STX1B: variants seen among roughly 807,000 people sequenced by gnomAD.
The protein encoded by STX1B is syntaxin 1B.
Under a neutral mutation model 39.4 loss-of-function variants are expected in STX1B, and 7 were observed. The ratio of observed to expected loss-of-function variants is 0.18; its 90% CI spans 0.10 to 0.33. STX1B has a LOEUF of 0.33. STX1B is among the 10% of genes least tolerant of loss of function. The probability of loss-of-function intolerance (pLI) is 1.00; values close to 1 mark genes in which losing one functional copy is unlikely to be tolerated. For synonymous variants in STX1B, 136 were observed against 144.1 expected (o/e 0.94, Z 0.40); for missense variants, 198 against 383.2 (o/e 0.52, Z 4.04).
chr16:31,007,125 T>A lies in STX1B; in HGVS notation c.30+3242A>T, dbSNP rs116759582. 6.6e-3 allele frequency among the ~76,000 whole-genome samples: 1,010 copies of A among 152,160 alleles called. 16 individuals are homozygous for A. Among genetic ancestry groups the A allele is most frequent in the African/African-American group, 0.023 (939 of 41,492 alleles). ...GACCATGTCTCTAAAAACATTTTTTTAAATATAAATAAAGGCAGCCCAGAG... is the reference window on the plus strand; with the variant it reads ...GACCATGTCTCTAAAAACATTTTTTAAAATATAAATAAAGGCAGCCCAGAG... On this transcript the variant is annotated intron_variant, in intron 1 of 9. Transcript: ENST00000215095.
intron 1 of STX1B, among the ~76,000 whole-genome samples, chr16:31,008,332 G>C (rs910836450): frequency 1.1e-4 from 16 of 143,012 alleles, no homozygotes; most frequent in Middle Eastern, 3.8e-3. Flanking sequence ...CACCACCTCC[G>C]GCAGCCACAG....
At chr16:31,005,383 G>A (rs1267576254) in intron 1 of STX1B, among the ~76,000 whole-genome samples, 1 of 151,894 alleles carries the variant, frequency 6.6e-6, no homozygotes, top group African/African-American at 2.4e-5. Flanking sequence ...TGCCTCATGT[G>A]CAAATCGAGG....
chr16:31,002,769 A>G (rs558656677), intron 1 of STX1B, among the ~76,000 whole-genome samples: 2 of 152,322 alleles, frequency 1.3e-5, no homozygotes, highest in East Asian at 3.9e-4. Context: ...ATGTATACAG[A>G]GTTCATTCTG....
intron 5 of STX1B, 46 bp from the exon 6 acceptor site, chr16:30,997,105 G>A (rs765574885): frequency 1.5e-6 from 2 of 1,356,122 alleles, no homozygotes; most frequent in Non-Finnish European, 2.1e-6. Context: ...GGTAGTCAGG[G>A]ATCAGGGAGG....
At chr16:30,999,405 C>G (rs567908132) in intron 4 of STX1B, among the ~76,000 whole-genome samples, 1 of 152,138 alleles carries the variant, frequency 6.6e-6, no homozygotes, top group African/African-American at 2.4e-5. Flanking sequence ...CAATGTGCCT[C>G]GGACATTGGA....
intron 1 of STX1B, among the ~76,000 whole-genome samples, chr16:31,002,898 G>T (rs1309075442): frequency 6.6e-6 from 1 of 152,212 alleles, no homozygotes; most frequent in African/African-American, 2.4e-5. Flanking sequence ...AATCCAAAAA[G>T]AAGAGCTTGC....
In STX1B at chr16:31,007,439, C is replaced by T. The variant is rs142950869; in HGVS notation, c.30+2928G>A. ...CCTCCTGTCTTCTCCCATAACCCAC[C>T]TTCCTCTCCACCTCACTCACTCTGC... is the stretch of plus-strand genomic sequence containing the variant. On this transcript the variant is annotated intron_variant, in intron 1 of 9. Transcript: ENST00000215095. Among the ~76,000 whole-genome samples the T allele has an allele frequency of 2.3e-3, 343 of 152,288 alleles. 1 individual carries two copies. The highest frequency in any genetic ancestry group is 7.9e-3 in the African/African-American group (328 of 41,564).
intron 1 of STX1B, among the ~76,000 whole-genome samples, chr16:31,009,516 G>A (rs1048995322): frequency 2.0e-5 from 3 of 151,822 alleles, no homozygotes; most frequent in African/African-American, 2.4e-5. Context: ...ATACCCCAGC[G>A]TCCTCCCTGC....
At chr16:30,994,784 A>C (rs2056582920) in intron 7 of STX1B, among the ~76,000 whole-genome samples, 1 of 151,414 alleles carries the variant, frequency 6.6e-6, no homozygotes, top group African/African-American at 2.4e-5. Flanking sequence ...CCTTCCCTTC[A>C]GCAGTCAAGG....
At position 30,989,983 on chromosome 16, in the gene STX1B, C is replaced by T. The variant is rs929837499; in HGVS notation, c.*2838G>A. ...CATGCAAAAGACACCAGCCTCCAGA[C>T]AACATGCCAGGACGCACACAGACAG... is the stretch of plus-strand genomic sequence containing the variant. On this transcript the variant is annotated 3_prime_UTR_variant, in exon 10 of 10. Coordinates refer to ENST00000215095, the MANE Select transcript of STX1B (RefSeq NM_052874.5). The T allele has an allele frequency of 9.2e-5, 14 of 152,466 alleles. No homozygotes were observed. The highest frequency in any genetic ancestry group is 3.1e-4 in the African/African-American group (13 of 41,418). 9.4% of individuals were successfully genotyped at this position (152,466 alleles called of 1,614,324 possible). A position where few individuals can be genotyped will look rare whatever the true frequency, so the allele number is the denominator to read the frequency against.
Position 30,992,607 on chromosome 16 carries a change from T to C in STX1B, c.*214A>G. ...GGCGGCATGCATGTTGGTGTGCATG[T>C]GTAATCACGCCTGCTGCGATCTACG... On this transcript the variant is annotated 3_prime_UTR_variant, in exon 10 of 10. Transcript: ENST00000215095. The C allele has an allele frequency of 2.0e-6, 1 of 507,584 alleles. No individual in the cohort carries two copies. The highest frequency in any genetic ancestry group is 3.4e-6 in the Non-Finnish European group (1 of 290,240). 31.4% of individuals were successfully genotyped at this position (507,584 alleles called of 1,614,324 possible).
At position 30,993,021 on chromosome 16, in the gene STX1B, A is replaced by G. The variant is rs1213499218; in HGVS notation, c.786+109T>C. 39 of 1,324,386 alleles carry G rather than the reference A, an allele frequency of 2.9e-5. 2 individuals carry two copies. Among genetic ancestry groups the G allele is most frequent in the Non-Finnish European group, 4.0e-5 (37 of 918,982 alleles). The allele number at this position is 1,324,386 out of a possible 1,614,324, so 82.0% of individuals were successfully genotyped here. ...AGAGGGGAGAGAAAACAGAAACAGG[A>G]AGAGGTCAGAGCCAGAGATAAGGCC... On this transcript the variant is annotated intron_variant, in intron 9 of 9. Transcript: ENST00000215095.
intron 6 of STX1B, 26 bp from the exon 7 acceptor site, chr16:30,996,782 C>G: frequency 6.2e-7 from 1 of 1,612,820 alleles, no homozygotes; most frequent in African/African-American, 1.3e-5. Flanking sequence ...ACTCCCTGCT[C>G]GGGGGCTGGG....
intron 4 of STX1B, among the ~76,000 whole-genome samples, chr16:30,998,127 T>G (rs1488701018): frequency 6.6e-6 from 1 of 152,196 alleles, no homozygotes; most frequent in East Asian, 1.9e-4. Flanking sequence ...CCCTGTAAGG[T>G]GATCCCCGAT....
At chr16:30,994,246 T>G (rs34454770) in intron 7 of STX1B, among the ~76,000 whole-genome samples, 1 of 148,640 alleles carries the variant, frequency 6.7e-6, no homozygotes, top group Non-Finnish European at 1.5e-5. Context: ...GAGCCGAGAT[T>G]GCGCCACTGC....
chr16:30,997,562 G>C lies in STX1B; in HGVS notation c.294C>G (p.Ser98Arg), dbSNP rs754812628. ...VRSKLKAIEQ[S>R]IEQEEGLNRS... ...GGTTCAGCCCCTCCTCCTGTTCAAT[G>C]CTTTGCTCGATCGCTGCGGGAGAGA... Residue 98 changes from serine to arginine, a missense_variant, in exon 5 of 10, where the codon AGC becomes AGG. Ser to Arg is a moderately radical substitution (Grantham distance 110). Transcript: ENST00000215095. 1.2e-6 allele frequency: 2 copies of C among 1,610,078 alleles called. No homozygotes were observed. Among genetic ancestry groups the C allele is most frequent in the Non-Finnish European group, 1.7e-6 (2 of 1,178,690 alleles).
intron 1 of STX1B, among the ~76,000 whole-genome samples, chr16:31,008,827 T>C (rs749705476): frequency 6.6e-6 from 1 of 152,176 alleles, no homozygotes; most frequent in Non-Finnish European, 1.5e-5. Flanking sequence ...CTTAGTGTCC[T>C]TATCTATAAA....
intron 9 of STX1B, 21 bp downstream of exon 9, chr16:30,993,109 C>G (rs760931513): frequency 1.2e-6 from 2 of 1,611,646 alleles, no homozygotes; most frequent in Non-Finnish European, 1.7e-6. Flanking sequence ...CGCCTACCCC[C>G]AGGCCGCCTG....
At chr16:30,995,638 G>A (rs929012793) in intron 7 of STX1B, among the ~76,000 whole-genome samples, 1 of 151,934 alleles carries the variant, frequency 6.6e-6, no homozygotes, top group Admixed American at 6.6e-5. Context: ...TTACAGGCAC[G>A]TGCCACCATG....
Sources: allele counts gnomAD v4.1 joint callset (sites outside exome capture counted in the v4.1 genomes callset), GRCh38; gene constraint gnomAD v4.1.1; transcripts MANE v1.5; gene names NCBI Gene and HGNC (gene_info 2026-07-23, HGNC 2026-07-21).